Variants in NLGN4X observed in about 807,000 individuals in gnomAD.
NLGN4X encodes the protein neuroligin 4 X-linked.
A neutral mutation model predicts 40.3 loss-of-function variants in NLGN4X; 3 were observed. The ratio of observed to expected loss-of-function variants is 0.07; its 90% CI spans 0.03 to 0.19. The LOEUF is 0.19. NLGN4X is among the 10% of genes least tolerant of loss of function. The probability of loss-of-function intolerance (pLI) is 1.00; values close to 1 mark genes in which losing one functional copy is unlikely to be tolerated. For synonymous variants in NLGN4X, 270 were observed against 306.8 expected (o/e 0.88, Z 1.25); for missense variants, 382 against 708.3 (o/e 0.54, Z 5.23).
intron 3 of NLGN4X, among the ~76,000 whole-genome samples, chrX:6,022,585 T>C (rs1454067368): frequency 8.9e-6 from 1 of 111,975 alleles, no homozygotes; most frequent in Non-Finnish European, 1.9e-5. Context: ...CCCACTAATG[T>C]CAGATGCATG....
At chrX:5,908,157 A>AGAGAGG (rs1417987423) in intron 4 of NLGN4X, among the ~76,000 whole-genome samples, 1 of 105,479 alleles carries the variant, frequency 9.5e-6, no homozygotes, top group Admixed American at 1.0e-4. Flanking sequence ...AGGAGGACAT[A>AGAGAGG]GAGAGGGAGA....
chrX:5,974,918 C>T (rs978538394), intron 3 of NLGN4X, among the ~76,000 whole-genome samples: 3 of 111,843 alleles, frequency 2.7e-5, no homozygotes, highest in African/African-American at 9.8e-5. Context: ...ATAAGGGTTA[C>T]TTGAGAACAA....
At chrX:5,902,244 C>T (rs1329756844) in intron 5 of NLGN4X, among the ~76,000 whole-genome samples, 1 of 111,413 alleles carries the variant, frequency 9.0e-6, no homozygotes, top group Non-Finnish European at 1.9e-5. Flanking sequence ...ATAAAATTAG[C>T]TGAGTAAGGT....
intron 2 of NLGN4X, among the ~76,000 whole-genome samples, chrX:6,070,110 A>T (rs751339449): frequency 3.6e-5 from 4 of 111,491 alleles, no homozygotes; most frequent in Non-Finnish European, 5.6e-5. Flanking sequence ...ATGATGATAC[A>T]CAATTCATAA....
chrX:5,995,995 C>CT (rs1428045414), intron 3 of NLGN4X, among the ~76,000 whole-genome samples: 1 of 111,867 alleles, frequency 8.9e-6, no homozygotes, highest in Non-Finnish European at 1.9e-5. Context: ...TACAATTAAA[C>CT]TTTTTTTATA....
intron 3 of NLGN4X, among the ~76,000 whole-genome samples, chrX:5,992,041 C>A (rs2035698597): frequency 8.9e-6 from 1 of 111,999 alleles, no homozygotes; most frequent in Non-Finnish European, 1.9e-5. Flanking sequence ...AAGCTAAAAA[C>A]CAAGTCATAC....
At chrX:6,012,601 G>A (rs1363180505) in intron 3 of NLGN4X, among the ~76,000 whole-genome samples, 2 of 111,842 alleles carry the variant, frequency 1.8e-5, no homozygotes, top group Non-Finnish European at 3.8e-5. Flanking sequence ...CTCAGAATGT[G>A]ACCCTATTTG....
intron 3 of NLGN4X, chrX:5,991,438 G>A: frequency 3.9e-6 from 2 of 519,120 alleles, no homozygotes; most frequent in Non-Finnish European, 7.1e-6. Flanking sequence ...ATTTCTGAAA[G>A]GGGATGCTGA....
intron 2 of NLGN4X, among the ~76,000 whole-genome samples, chrX:6,061,248 A>G (rs1254859374): frequency 1.8e-5 from 2 of 111,641 alleles, no homozygotes; most frequent in Non-Finnish European, 3.8e-5. Flanking sequence ...AACTTTGAAC[A>G]TGAGCGAGAA....
intron 3 of NLGN4X, 53 bp downstream of exon 3, chrX:6,029,227 T>G: frequency 8.5e-7 from 1 of 1,182,501 alleles, no homozygotes; most frequent in East Asian, 3.0e-5. Context: ...AAACGAGAAG[T>G]GGACTTTTCA....
chrX:6,044,745 C>G (rs1208749070), intron 2 of NLGN4X, among the ~76,000 whole-genome samples: 1 of 111,320 alleles, frequency 9.0e-6, no homozygotes, highest in Non-Finnish European at 1.9e-5. Flanking sequence ...TAGGGAAGAC[C>G]GTCCATGTAT....
chrX:6,101,910 C>T lies in NLGN4X; in HGVS notation c.472+49085G>A, dbSNP rs763891414. Reference sequence around the variant, plus strand: ...CTGCAACCTCTGCTTCCCAGGTTCACGCCATTCTCCTGCCTCAGCCTCCTG... The same window carrying T: ...CTGCAACCTCTGCTTCCCAGGTTCATGCCATTCTCCTGCCTCAGCCTCCTG... On this transcript the variant is annotated intron_variant, in intron 2 of 5. Transcript: ENST00000381095. Among the ~76,000 whole-genome samples, 38 of 108,569 alleles carry T rather than the reference C, an allele frequency of 3.5e-4. No homozygotes were observed. The South Asian group carries it at 0.015, about 42-fold the overall frequency. The allele number at this position is 108,569 out of a possible 115,157, so 94.3% of individuals were successfully genotyped here. A position where few individuals can be genotyped will look rare whatever the true frequency, so the allele number is the denominator to read the frequency against.
chrX:5,914,993 TG>T (rs2032717228), intron 3 of NLGN4X, among the ~76,000 whole-genome samples: 1 of 112,674 alleles, frequency 8.9e-6, no homozygotes, highest in African/African-American at 3.2e-5. Flanking sequence ...CAGGATGGGC[TG>T]GAAGGGAGGG....
intron 3 of NLGN4X, among the ~76,000 whole-genome samples, chrX:6,027,352 C>T (rs922406814): frequency 1.8e-5 from 2 of 112,324 alleles, no homozygotes; most frequent in Admixed American, 9.4e-5. Context: ...GACATTATTC[C>T]GCCAAGATGT....
chrX:6,173,048 C>A (rs2040642634), intron 1 of NLGN4X, among the ~76,000 whole-genome samples: 1 of 112,193 alleles, frequency 8.9e-6, no homozygotes, highest in African/African-American at 3.2e-5. Context: ...TCCTAACTTT[C>A]TCAGGACAGA....
At chrX:6,013,402 T>TAAA (rs71977874) in intron 3 of NLGN4X, among the ~76,000 whole-genome samples, 1 of 96,330 alleles carries the variant, frequency 1.0e-5, no homozygotes. Flanking sequence ...TCACTCAAAC[T>TAAA]AAAAAAAAAA....
intron 1 of NLGN4X, among the ~76,000 whole-genome samples, chrX:6,224,988 A>G (rs1926038215): frequency 2.0e-5 from 1 of 50,673 alleles, no homozygotes; most frequent in South Asian, 9.8e-4. Flanking sequence ...ATATATATAT[A>G]TATATATATA....
At chrX:6,075,982 A>AT (rs971165790) in intron 2 of NLGN4X, among the ~76,000 whole-genome samples, 1 of 112,017 alleles carries the variant, frequency 8.9e-6, no homozygotes, top group Non-Finnish European at 1.9e-5. Context: ...AAGGAAGAGA[A>AT]TATGGGGAGG....
In NLGN4X at chrX:5,963,932, A is replaced by G. The variant is rs778209149; in HGVS notation, c.626-54693T>C. On this transcript the variant is annotated intron_variant, in intron 3 of 5. Coordinates refer to ENST00000381095, the MANE Select transcript of NLGN4X (RefSeq NM_181332.3). ...CCTGCTTCGGAATATATTTACTTTT[A>G]TTACTCTTAGTACTTTATTGTACAT... 3.6e-5 allele frequency among the ~76,000 whole-genome samples: 4 copies of G among 112,415 alleles called. No individual in the cohort carries two copies. In the South Asian group the frequency reaches 1.5e-3, roughly 42 times the overall value.
Sources: gnomAD v4.1 joint callset for allele counts (sites outside exome capture counted in the v4.1 genomes callset) on GRCh38, gnomAD v4.1.1 for gene constraint, MANE v1.5 for transcripts, NCBI Gene and HGNC (gene_info 2026-07-23, HGNC 2026-07-21) for gene names.